RIMBP2: variants seen among roughly 807,000 people sequenced by gnomAD.
RIMBP2 encodes RIMS binding protein 2.
RIMBP2 carries 48 observed loss-of-function variants against 118.6 expected under a neutral mutation model. The ratio of observed to expected loss-of-function variants is 0.40; its 90% CI spans 0.32 to 0.51. The LOEUF (loss-of-function observed/expected upper bound fraction) is 0.51, where lower values mean the gene tolerates loss of function less well. Among genes scored for constraint, RIMBP2 ranks in the 20% least tolerant of loss-of-function variants. The pLI is 0.41. For synonymous variants in RIMBP2, 762 were observed against 742.9 expected, an observed-to-expected ratio of 1.03 and a Z score of -0.42; for missense variants, 1,551 against 1,768.3, an observed-to-expected ratio of 0.88 and a Z score of 2.20.
chr12:130,613,862 C>T (rs984599754), intron 2 of RIMBP2, among the ~76,000 whole-genome samples: 6 of 150,734 alleles, frequency 4.0e-5, no homozygotes, highest in African/African-American at 9.8e-5. Flanking sequence ...CAGCTCTCAT[C>T]GGCCTTTTCC....
At position 130,646,104 on chromosome 12, in the gene RIMBP2, T is replaced by TCACCAC. The variant is rs2062889354; in HGVS notation, c.-351-17649_-351-17648insGTGGTG. Among the ~76,000 whole-genome samples the TCACCAC allele has an allele frequency of 6.7e-5, 9 of 134,354 alleles. 2 individuals carry two copies. Among genetic ancestry groups the TCACCAC allele is most frequent in the East Asian group, 2.1e-4 (1 of 4,706 alleles). The allele number at this position is 134,354 out of a possible 152,430, so 88.1% of individuals were successfully genotyped here. ...CTCACCACTTCCCTCTCCACCTCCC[T>TCACCAC]CTCCACCTCCCTCACCACCTGCCTC... On this transcript the variant is annotated intron_variant, in intron 1 of 22. Transcript: ENST00000690449.
chr12:130,433,671 G>C (rs978227493), intron 14 of RIMBP2, among the ~76,000 whole-genome samples: 8 of 152,178 alleles, frequency 5.3e-5, no homozygotes, highest in Admixed American at 1.3e-4. Context: ...TAGAAAGTCT[G>C]ACTGGAAGGA....
chr12:130,407,688 GGTT>G, intron 20 of RIMBP2, 35 bp downstream of exon 20: 1 of 1,490,520 alleles, frequency 6.7e-7, no homozygotes, highest in Non-Finnish European at 9.4e-7. Context: ...GGAAGGGTGT[GGTT>G]GTGTCCGTCA....
At chr12:130,614,367 C>T (rs1038331085) in intron 2 of RIMBP2, among the ~76,000 whole-genome samples, 6 of 152,126 alleles carry the variant, frequency 3.9e-5, no homozygotes, top group Non-Finnish European at 8.8e-5. Context: ...GTAAACAAAC[C>T]GACGACATTC....
intron 12 of RIMBP2, 96 bp downstream of exon 12, chr12:130,438,269 G>A: frequency 5.6e-6 from 8 of 1,420,264 alleles, no homozygotes; most frequent in South Asian, 2.6e-5. Context: ...AGGGCTGGAA[G>A]AGCAGACCCT....
rs563540831 is a variant in RIMBP2 at position 130,621,897 on chromosome 12, G to C, written c.-217+6425C>G. Among the ~76,000 whole-genome samples the C allele has an allele frequency of 6.6e-6, 1 of 152,118 alleles. No individual in the cohort carries two copies. Among genetic ancestry groups the C allele is most frequent in the African/African-American group, 2.4e-5 (1 of 41,418 alleles). Reference sequence around the variant, plus strand: ...CAGGCCAGCATCACACACACTTCCCGACAGGCCCAGGACAGCACTAATGAC... The same window carrying C: ...CAGGCCAGCATCACACACACTTCCCCACAGGCCCAGGACAGCACTAATGAC... On this transcript the variant is annotated intron_variant, in intron 2 of 22. Transcript: ENST00000690449. This position sits in a 1 kb window ranked among gnomAD's most constrained non-coding sequence, Gnocchi z 6.6.
rs1456081960 is a variant in RIMBP2, at chr12:130,434,362, C to CA, written c.2253+371dup. Among the ~76,000 whole-genome samples the CA allele has an allele frequency of 6.6e-6, 1 of 152,178 alleles. No individual in the cohort carries two copies. Among genetic ancestry groups the CA allele is most frequent in the Non-Finnish European group, 1.5e-5 (1 of 68,034 alleles). ...TTTGGCTCCCATGATGCCTCCCTAGCACACAGATGGCCAACAAACATCTGC... is the reference window on the plus strand; with the variant it reads ...TTTGGCTCCCATGATGCCTCCCTAGCAACACAGATGGCCAACAAACATCTGC... On this transcript the variant is annotated intron_variant, in intron 14 of 22. Transcript: ENST00000690449. The surrounding 1 kb of genome is among the most constrained non-coding windows in gnomAD (Gnocchi z 5.7).
intron 21 of RIMBP2, among the ~76,000 whole-genome samples, chr12:130,403,771 GATT>G (rs773946264): frequency 1.1e-4 from 17 of 152,270 alleles, no homozygotes; most frequent in Admixed American, 2.6e-4. Context: ...AATGAATACA[GATT>G]ATTATTATTT....
rs2136791142 is a variant in RIMBP2, at chr12:130,703,391, CT to C, written c.-352+12830del. 6.6e-6 allele frequency among the ~76,000 whole-genome samples: 1 copy of C among 152,310 alleles called. No individual in the cohort carries two copies. Among genetic ancestry groups the C allele is most frequent in the East Asian group, 1.9e-4 (1 of 5,188 alleles). The stretch of plus-strand genomic sequence containing the variant: ...TCTAACATCAGTGTTTGAAAATGAC[CT>C]TGTGTTAGAACTGTGGTGGGAAGAG... On this transcript the variant is annotated intron_variant, in intron 1 of 22. Transcript: ENST00000690449. This position sits in a 1 kb window ranked among gnomAD's most constrained non-coding sequence, Gnocchi z 5.7.
At chr12:130,678,964 T>C (rs2064639021) in intron 1 of RIMBP2, among the ~76,000 whole-genome samples, 1 of 152,200 alleles carries the variant, frequency 6.6e-6, no homozygotes, top group Non-Finnish European at 1.5e-5. Context: ...GATGAAAATA[T>C]CTTGGAACTA....
rs192231563 is a variant in RIMBP2 at position 130,561,439 on chromosome 12, T to C, written c.-216-43522A>G. ...TGGTTAAAAGAGGAGCGTCAGATAG[T>C]TCTTTGGGAACCTGACTGATACGAG... On this transcript the variant is annotated intron_variant, in intron 2 of 22. Transcript: ENST00000690449. Among the ~76,000 whole-genome samples the C allele has an allele frequency of 7.0e-4, 106 of 152,274 alleles. 1 individual carries two copies. Among genetic ancestry groups the C allele is most frequent in the Admixed American group, 6.9e-3 (105 of 15,304 alleles).
rs780848364 is a variant in RIMBP2 at position 130,478,993 on chromosome 12, C to T, written c.21G>A (p.Arg7=). The change falls in exon 5 of 23, where the codon CGG becomes CGA. Residue 7 remains arginine (R), a synonymous_variant. Transcript: ENST00000690449. MREAAE[R]RQQLQLEHDQ... ...CATGCTCCAACTGCAGCTGCTGCCG[C>T]CGTTCAGCCGCCTCTCGCATATGCT... 6.2e-7 allele frequency: 1 copy of T among 1,613,896 alleles called. No individual in the cohort carries two copies. Among genetic ancestry groups the T allele is most frequent in the Non-Finnish European group, 8.5e-7 (1 of 1,179,918 alleles).
intron 5 of RIMBP2, 131 bp from the exon 6 acceptor site, chr12:130,470,874 T>G (rs559275014): frequency 1.1e-5 from 5 of 461,778 alleles, no homozygotes; most frequent in Non-Finnish European, 1.8e-5. Flanking sequence ...TTAAAATTAT[T>G]CCTACATTCA....
rs2292666 is a variant in RIMBP2, at chr12:130,438,544, C to T, written c.1505-28G>A. The T allele has an allele frequency of 2.0e-3, 3,001 of 1,538,200 alleles. 46 individuals carry two copies. In the African/African-American group the frequency reaches 0.035, roughly 18 times the overall value. On this transcript the variant is annotated intron_variant, in intron 11 of 22. Transcript: ENST00000690449. ...GGGAGGGGACAGAAGGGAACGGAGGCGTTCAGGGACCAGCCCTGGCAGGTG... is the reference window on the plus strand; with the variant it reads ...GGGAGGGGACAGAAGGGAACGGAGGTGTTCAGGGACCAGCCCTGGCAGGTG...
intron 2 of RIMBP2, among the ~76,000 whole-genome samples, chr12:130,583,644 C>T (rs1256994498): frequency 1.3e-5 from 2 of 151,872 alleles, no homozygotes; most frequent in South Asian, 4.2e-4. Flanking sequence ...ACCATTATCG[C>T]ATCACCATCA....
In RIMBP2 at chr12:130,450,794, G is replaced by A. The variant is rs531761842; in HGVS notation, c.504+401C>T. Among the ~76,000 whole-genome samples the A allele has an allele frequency of 3.3e-5, 5 of 151,454 alleles. No individual in the cohort carries two copies. Among genetic ancestry groups the A allele is most frequent in the East Asian group, 2.0e-4 (1 of 5,108 alleles). On this transcript the variant is annotated intron_variant, in intron 8 of 22. Coordinates refer to ENST00000690449, the MANE Select transcript of RIMBP2 (RefSeq NM_001393629.1). The surrounding 1 kb of genome is among the most constrained non-coding windows in gnomAD (Gnocchi z 4.8). ...AAGCCAAACGCTGTCCTCTGCCCCC[G>A]CCCCCTCTCCAGCCACACCAGCCCC...
At chr12:130,702,439 C>T (rs949493285) in intron 1 of RIMBP2, among the ~76,000 whole-genome samples, 1 of 152,016 alleles carries the variant, frequency 6.6e-6, no homozygotes, top group Admixed American at 6.6e-5. Context: ...TCACTTGAAC[C>T]CTGGAGGCAG....
intron 17 of RIMBP2, among the ~76,000 whole-genome samples, chr12:130,416,946 A>G (rs2076134684): frequency 6.6e-6 from 1 of 151,820 alleles, no homozygotes; most frequent in South Asian, 2.1e-4. Flanking sequence ...ATAATAAAAT[A>G]TAAATAAAAA....
rs2065192304 is a variant in RIMBP2, at chr12:130,688,952, C to A, written c.-352+27270G>T. Reference sequence around the variant, plus strand: ...GTCGGTCGCAGGCAGCAGAGAACTGCCCAGTGTGCGCCGATATCCTCTGTC... The same window carrying A: ...GTCGGTCGCAGGCAGCAGAGAACTGACCAGTGTGCGCCGATATCCTCTGTC... On this transcript the variant is annotated intron_variant, in intron 1 of 22. Transcript: ENST00000690449. This position sits in a 1 kb window ranked among gnomAD's most constrained non-coding sequence, Gnocchi z 4.7. 1.3e-5 allele frequency among the ~76,000 whole-genome samples: 2 copies of A among 152,252 alleles called. No homozygotes were observed. Among genetic ancestry groups the A allele is most frequent in the Non-Finnish European group, 2.9e-5 (2 of 68,040 alleles).
Sources: gnomAD v4.1 joint callset for allele counts (sites outside exome capture counted in the v4.1 genomes callset) on GRCh38, gnomAD v4.1.1 for gene constraint, Gnocchi (gnomAD v3.1) non-coding constraint, MANE v1.5 for transcripts, NCBI Gene and HGNC (gene_info 2026-07-23, HGNC 2026-07-21) for gene names.